The following CTIF variants were observed in gnomAD, a reference collection of about 807,000 sequenced individuals.
CTIF encodes the protein cap binding complex dependent translation initiation factor, also known as CBP80/20-dependent translation initiation factor.
Under a neutral mutation model 66.0 loss-of-function variants are expected in CTIF, and 21 were observed. That is an observed-to-expected ratio of 0.32 (90% CI 0.23 to 0.46). The LOEUF is 0.46. Ranked by LOEUF, CTIF falls within the 20% of genes least tolerant of loss-of-function variation. The probability of loss-of-function intolerance (pLI) is 1.00; values close to 1 mark genes in which losing one functional copy is unlikely to be tolerated. For synonymous variants in CTIF, 345 were observed against 326.4 expected (o/e 1.06, Z -0.62); for missense variants, 739 against 812.7 (o/e 0.91, Z 1.10).
chr18:48,728,466 T>C (rs1568169017), intron 7 of CTIF, among the ~76,000 whole-genome samples: 2 of 152,218 alleles, frequency 1.3e-5, no homozygotes, highest in Non-Finnish European at 2.9e-5. Flanking sequence ...ACACAGTTTA[T>C]GACGGTCAAG....
At chr18:48,614,394 T>C (rs2090360950) in intron 1 of CTIF, among the ~76,000 whole-genome samples, 2 of 152,242 alleles carry the variant, frequency 1.3e-5, no homozygotes, top group African/African-American at 4.8e-5. Flanking sequence ...AGAGGGATCG[T>C]TGTACACTCA....
chr18:48,644,801 G>A (rs948053818), intron 3 of CTIF, among the ~76,000 whole-genome samples: 14 of 152,198 alleles, frequency 9.2e-5, no homozygotes, highest in African/African-American at 3.4e-4. Context: ...TGTAGCAGGA[G>A]AGGTGAGACA....
At chr18:48,647,124 A>G (rs1391285453) in intron 3 of CTIF, among the ~76,000 whole-genome samples, 1 of 152,252 alleles carries the variant, frequency 6.6e-6, no homozygotes, top group African/African-American at 2.4e-5. Flanking sequence ...ATGAGAAGGA[A>G]TGAATGCCTG....
intron 1 of CTIF, among the ~76,000 whole-genome samples, chr18:48,548,268 G>A (rs1425126115): frequency 6.6e-6 from 1 of 152,130 alleles, no homozygotes; most frequent in Non-Finnish European, 1.5e-5. Context: ...CTCACCAGTA[G>A]CTGGGAACAC....
At chr18:48,831,826 T>A (rs567377055) in intron 10 of CTIF, among the ~76,000 whole-genome samples, 5 of 152,382 alleles carry the variant, frequency 3.3e-5, no homozygotes, top group African/African-American at 1.2e-4. Flanking sequence ...TACGTTCTTC[T>A]CTTTTGGTAC....
intron 7 of CTIF, among the ~76,000 whole-genome samples, chr18:48,723,261 C>T (rs560231951): frequency 2.0e-5 from 3 of 152,156 alleles, no homozygotes; most frequent in Middle Eastern, 3.4e-3. Context: ...GAGCTAAAGA[C>T]GGCATGGTCC....
intron 1 of CTIF, among the ~76,000 whole-genome samples, chr18:48,596,876 A>G (rs1020532430): frequency 4.6e-5 from 7 of 152,260 alleles, no homozygotes; most frequent in African/African-American, 1.4e-4. Flanking sequence ...CTCTAGGTAC[A>G]TTTTCTCCCC....
chr18:48,786,978 C>T (rs1911768084), intron 9 of CTIF, among the ~76,000 whole-genome samples: 1 of 152,184 alleles, frequency 6.6e-6, no homozygotes, highest in South Asian at 2.1e-4. Flanking sequence ...CCCCACCACT[C>T]AGCCTGTGCC....
chr18:48,646,756 A>T (rs1423090804), intron 3 of CTIF, among the ~76,000 whole-genome samples: 1 of 151,220 alleles, frequency 6.6e-6, no homozygotes, highest in Non-Finnish European at 1.5e-5. Flanking sequence ...AAAAAAAAAA[A>T]GAAAATAAAA....
At chr18:48,790,819 G>T (rs2067776923) in intron 9 of CTIF, among the ~76,000 whole-genome samples, 1 of 152,182 alleles carries the variant, frequency 6.6e-6, no homozygotes, top group African/African-American at 2.4e-5. Flanking sequence ...CACGTCATAG[G>T]CCACCTCGTG....
intron 6 of CTIF, among the ~76,000 whole-genome samples, chr18:48,690,420 C>G (rs2091909637): frequency 6.6e-6 from 1 of 152,188 alleles, no homozygotes; most frequent in South Asian, 2.1e-4. Flanking sequence ...TCCTTGCCTT[C>G]CATCACGTGG....
chr18:48,650,163 G>T (rs1022896654), intron 3 of CTIF, among the ~76,000 whole-genome samples: 10 of 152,116 alleles, frequency 6.6e-5, no homozygotes, highest in African/African-American at 2.2e-4. Flanking sequence ...TCAGAAGGTC[G>T]GTAATAACAA....
intron 7 of CTIF, among the ~76,000 whole-genome samples, chr18:48,752,233 T>C (rs1907893639): frequency 6.6e-6 from 1 of 152,206 alleles, no homozygotes; most frequent in Admixed American, 6.5e-5. Flanking sequence ...GTCTGCAGCT[T>C]GGCTGGCCGC....
intron 10 of CTIF, among the ~76,000 whole-genome samples, chr18:48,844,231 G>A (rs1407867909): frequency 6.6e-6 from 1 of 152,210 alleles, no homozygotes; most frequent in Non-Finnish European, 1.5e-5. Flanking sequence ...GGCACTGGCT[G>A]CAGGCACAGC....
At chr18:48,614,516 T>C (rs533441623) in intron 1 of CTIF, among the ~76,000 whole-genome samples, 1 of 152,290 alleles carries the variant, frequency 6.6e-6, no homozygotes, top group East Asian at 1.9e-4. Flanking sequence ...ACTATTGTGA[T>C]ACGATGTCTT....
At chr18:48,643,714 A>G (rs1362665969) in intron 3 of CTIF, among the ~76,000 whole-genome samples, 1 of 152,168 alleles carries the variant, frequency 6.6e-6, no homozygotes. Context: ...AGGAGGGCAG[A>G]AAGTCAGAGA....
chr18:48,782,714 G>A (rs1911349473), intron 9 of CTIF, among the ~76,000 whole-genome samples: 1 of 152,226 alleles, frequency 6.6e-6, no homozygotes, highest in Non-Finnish European at 1.5e-5. Context: ...CATGAGATGT[G>A]GTTCAGTCCA....
At chr18:48,733,831 C>T (rs1227648317) in intron 7 of CTIF, among the ~76,000 whole-genome samples, 1 of 152,236 alleles carries the variant, frequency 6.6e-6, no homozygotes, top group Non-Finnish European at 1.5e-5. Context: ...CCAACTCACC[C>T]TCGCAGCCCT....
At chr18:48,567,381 A>C (rs1417930798) in intron 1 of CTIF, 3 of 152,212 alleles carry the variant, frequency 2.0e-5, no homozygotes, top group African/African-American at 7.2e-5. Context: ...AAATAGCCAT[A>C]TTGGAACATG....
Sources: allele counts gnomAD v4.1 joint callset (sites outside exome capture counted in the v4.1 genomes callset), GRCh38; gene constraint gnomAD v4.1.1; transcripts MANE v1.5; gene names NCBI Gene and HGNC (gene_info 2026-07-23, HGNC 2026-07-21).